PCDHAC2: variants seen among roughly 807,000 people sequenced by gnomAD.
The protein encoded by PCDHAC2 is protocadherin alpha subfamily C, 2.
Under a neutral mutation model 63.3 loss-of-function variants are expected in PCDHAC2, and 24 were observed. That is an observed-to-expected ratio of 0.38 (90% CI 0.27 to 0.53). PCDHAC2 has a LOEUF of 0.53. Ranked by LOEUF, PCDHAC2 falls within the 20% of genes least tolerant of loss-of-function variation. The pLI is 0.81. For synonymous variants in PCDHAC2, 569 were observed against 529.4 expected, an observed-to-expected ratio of 1.07 and a Z score of -1.03; for missense variants, 1,181 against 1,275.2, an observed-to-expected ratio of 0.93 and a Z score of 1.12.
At chr5:140,997,251 G>T (rs1217959179) in intron 3 of PCDHAC2, among the ~76,000 whole-genome samples, 2 of 152,060 alleles carry the variant, frequency 1.3e-5, no homozygotes, top group Non-Finnish European at 2.9e-5. Context: ...TTACTTTAGG[G>T]TTCACTCTTC....
intron 3 of PCDHAC2, among the ~76,000 whole-genome samples, chr5:140,995,674 AT>A (rs1240189428): frequency 1.3e-5 from 2 of 151,994 alleles, no homozygotes; most frequent in Non-Finnish European, 2.9e-5. Flanking sequence ...TAAATGCAGC[AT>A]TTTTTTTAAT....
intron 2 of PCDHAC2, 130 bp from the exon 3 acceptor site, chr5:140,982,345 A>G: frequency 6.8e-7 from 1 of 1,471,098 alleles, no homozygotes; most frequent in Non-Finnish European, 9.1e-7. Context: ...TAATTGCTTC[A>G]GTTCAAGCAT....
Position 140,973,027 on chromosome 5 carries a change from T to C in PCDHAC2, c.2565+3696T>C, listed in dbSNP as rs373487044. On this transcript the variant is annotated intron_variant, in intron 1 of 3. Coordinates refer to ENST00000289269, the MANE Select transcript of PCDHAC2 (RefSeq NM_018899.6). ...TCGTGGTGTTGTGATTGTTAATGAG[T>C]CACTTTGAGTACTCTAGTAGATTTG... Among the ~76,000 whole-genome samples the C allele has an allele frequency of 2.6e-5, 4 of 152,042 alleles. No individual in the cohort carries two copies. The East Asian group carries it at 5.8e-4, about 22-fold the overall frequency.
At chr5:140,997,967 G>A (rs1275111362) in intron 3 of PCDHAC2, among the ~76,000 whole-genome samples, 1 of 152,104 alleles carries the variant, frequency 6.6e-6, no homozygotes, top group African/African-American at 2.4e-5. Flanking sequence ...CGTACCTGTG[G>A]TTGGACTGCA....
At chr5:140,982,253 A>T (rs1209317234) in intron 2 of PCDHAC2, 1 of 777,640 alleles carries the variant, frequency 1.3e-6, no homozygotes, top group African/African-American at 1.8e-5. Flanking sequence ...AAGATAGAAC[A>T]TGTGTGTTCC....
At chr5:141,004,810 A>G (rs2098182429) in intron 3 of PCDHAC2, among the ~76,000 whole-genome samples, 1 of 152,224 alleles carries the variant, frequency 6.6e-6, no homozygotes, top group Non-Finnish European at 1.5e-5. Flanking sequence ...GCTCAATTGC[A>G]GATTTGATTA....
Position 140,966,909 on chromosome 5 carries a change from T to C in PCDHAC2, c.143T>C (p.Val48Ala). ...GPAASQLRYSVPEEQAPGALV... is the reference protein window; with the variant it reads ...GPAASQLRYSAPEEQAPGALV... ...GCGGCCTCCCAGCTGCGATACTCTG[T>C]GCCAGAGGAGCAGGCACCCGGCGCG... The change falls in exon 1 of 4, where the codon GTG (valine) becomes GCG (alanine). Residue 48 changes from valine to alanine, a missense_variant. Transcript: ENST00000289269. The C allele has an allele frequency of 6.2e-7, 1 of 1,601,466 alleles. No individual in the cohort carries two copies. Among genetic ancestry groups the C allele is most frequent in the Non-Finnish European group, 8.5e-7 (1 of 1,177,476 alleles).
At position 140,967,458 on chromosome 5, in the gene PCDHAC2, A is replaced by T. The variant is rs1042156831; in HGVS notation, c.692A>T (p.Asp231Val). 6.2e-7 allele frequency: 1 copy of T among 1,613,546 alleles called. No homozygotes were observed. Among genetic ancestry groups the T allele is most frequent in the Non-Finnish European group, 8.5e-7 (1 of 1,179,872 alleles). ...ALHHLVLTAV[D>V]GGIPARSGTA... ...CACCACCTGGTTCTCACAGCCGTGG[A>T]TGGGGGCATCCCAGCCCGCTCGGGT... The change falls in exon 1 of 4, where the codon GAT becomes GTT. Residue 231 changes from aspartate (D) to valine (V), a missense_variant. By Grantham distance (152) the Asp-to-Val change is radical (BLOSUM62 -3). Coordinates refer to ENST00000289269, the MANE Select transcript of PCDHAC2 (RefSeq NM_018899.6).
At position 140,967,836 on chromosome 5, in the gene PCDHAC2, A is replaced by G; in HGVS notation, c.1070A>G (p.Asp357Gly). 1 of 1,614,136 alleles carries G rather than the reference A, an allele frequency of 6.2e-7. No individual in the cohort carries two copies. The highest frequency in any genetic ancestry group is 1.3e-5 in the African/African-American group (1 of 75,044). ...TGCAAGGTGCTGGTGGACATCGTGG[A>G]CGTGAATGACAATGCCCCAGAGGTG... ...GHCKVLVDIV[D>G]VNDNAPEVVL... Residue 357 changes from aspartate to glycine, a missense_variant, in exon 1 of 4, where the codon GAC becomes GGC. This residue lies in a region of PCDHAC2 where 968 missense variants were observed against 1,073.5 expected (regional missense o/e 0.90). Coordinates refer to ENST00000289269, the MANE Select transcript of PCDHAC2 (RefSeq NM_018899.6).
In PCDHAC2 at chr5:141,010,195, C is replaced by G. The variant is rs753472247; in HGVS notation, c.*258C>G. 6.4e-7 allele frequency: 1 copy of G among 1,552,256 alleles called. No homozygotes were observed. The highest frequency in any genetic ancestry group is 8.7e-7 in the Non-Finnish European group (1 of 1,147,132). Reference sequence around the variant, plus strand: ...TAAAAAGCAGACCCAAGTTTCCTTTCTCCTCCGCCGCAAAGGAGAGGCTTC... The same window carrying G: ...TAAAAAGCAGACCCAAGTTTCCTTTGTCCTCCGCCGCAAAGGAGAGGCTTC... On this transcript the variant is annotated 3_prime_UTR_variant, in exon 4 of 4. Coordinates refer to ENST00000289269, the MANE Select transcript of PCDHAC2 (RefSeq NM_018899.6).
chr5:140,972,910 C>G (rs2096563603), intron 1 of PCDHAC2, among the ~76,000 whole-genome samples: 1 of 152,054 alleles, frequency 6.6e-6, no homozygotes, highest in Non-Finnish European at 1.5e-5. Flanking sequence ...GATCCACCCG[C>G]CTTGGCCTCC....
At position 140,971,223 on chromosome 5, in the gene PCDHAC2, C is replaced by T. The variant is rs904012820; in HGVS notation, c.2565+1892C>T. The stretch of plus-strand genomic sequence containing the variant: ...GACACTGTTACCCTCCCTCTCCTGA[C>T]TCAAAGCTTGGGGCAATTTGATACA... On this transcript the variant is annotated intron_variant, in intron 1 of 3. Transcript: ENST00000289269. Among the ~76,000 whole-genome samples, 3 of 152,148 alleles carry T rather than the reference C, an allele frequency of 2.0e-5. No homozygotes were observed. The South Asian group carries it at 6.2e-4, about 31-fold the overall frequency.
rs1333559202 is a variant in PCDHAC2, at chr5:140,969,120, G to T, written c.2354G>T (p.Gly785Val). ...QPHFIEVRGN[G>V]SLTKTYCYKA... Reference sequence around the variant, plus strand: ...CACTTCATTGAAGTTCGAGGGAATGGCTCCCTCACCAAGACCTACTGCTAC... The same window carrying T: ...CACTTCATTGAAGTTCGAGGGAATGTCTCCCTCACCAAGACCTACTGCTAC... Residue 785 changes from glycine (G) to valine (V), a missense_variant, in exon 1 of 4, where the codon GGC (glycine) becomes GTC (valine). This residue lies in a region of PCDHAC2 where 968 missense variants were observed against 1,073.5 expected (regional missense o/e 0.90). Coordinates refer to ENST00000289269, the MANE Select transcript of PCDHAC2 (RefSeq NM_018899.6). The T allele has an allele frequency of 6.2e-7, 1 of 1,613,970 alleles. No individual in the cohort carries two copies. Among genetic ancestry groups the T allele is most frequent in the Non-Finnish European group, 8.5e-7 (1 of 1,180,018 alleles).
At chr5:140,978,770 A>G in intron 1 of PCDHAC2, 179 bp from the exon 2 acceptor site, 3 of 956,466 alleles carry the variant, frequency 3.1e-6, no homozygotes, top group Non-Finnish European at 2.5e-6. Context: ...CTGATGAACT[A>G]ATTTTCTTCT....
rs150805116 is a variant in PCDHAC2, at chr5:140,977,093, T to C, written c.2566-1856T>C. On this transcript the variant is annotated intron_variant, in intron 1 of 3. Coordinates refer to ENST00000289269, the MANE Select transcript of PCDHAC2 (RefSeq NM_018899.6). ...GCAGCATGACAAATTAAATGTGTCA[T>C]TGGGGAAGTGAGATTGTATAATGAA... 6.6e-5 allele frequency among the ~76,000 whole-genome samples: 10 copies of C among 152,320 alleles called. No homozygotes were observed. The East Asian group carries it at 1.7e-3, about 26-fold the overall frequency.
chr5:140,969,102 T>C lies in PCDHAC2; in HGVS notation c.2336T>C (p.Ile779Thr). The part of the protein sequence containing the change: ...PHGLKVQPHF[I>T]EVRGNGSLTK... Reference sequence around the variant, plus strand: ...GGCCTCAAAGTGCAGCCTCACTTCATTGAAGTTCGAGGGAATGGCTCCCTC... The same window carrying C: ...GGCCTCAAAGTGCAGCCTCACTTCACTGAAGTTCGAGGGAATGGCTCCCTC... Residue 779 changes from isoleucine (I) to threonine (T), a missense_variant, in exon 1 of 4, where the codon ATT becomes ACT. Ile to Thr is a moderately conservative substitution (Grantham distance 89). Around this residue, in one of 3 missense-constraint regions of PCDHAC2, gnomAD observed 968 missense variants for 1,073.5 expected, o/e 0.90. Coordinates refer to ENST00000289269, the MANE Select transcript of PCDHAC2 (RefSeq NM_018899.6). The C allele has an allele frequency of 1.2e-6, 2 of 1,614,114 alleles. No individual in the cohort carries two copies. Among genetic ancestry groups the C allele is most frequent in the African/African-American group, 1.3e-5 (1 of 75,016 alleles).
At chr5:140,997,510 C>T (rs536611731) in intron 3 of PCDHAC2, among the ~76,000 whole-genome samples, 60 of 152,102 alleles carry the variant, frequency 3.9e-4, no homozygotes, top group Non-Finnish European at 6.9e-4. Context: ...CATACCTAAA[C>T]GCAGAAAAAG....
chr5:140,968,951 A>G lies in PCDHAC2; in HGVS notation c.2185A>G (p.Ile729Val). 2.5e-6 allele frequency: 4 copies of G among 1,614,228 alleles called. No individual in the cohort carries two copies. The highest frequency in any genetic ancestry group is 3.4e-6 in the Non-Finnish European group (4 of 1,180,042). Residue 729 changes from isoleucine to valine, a missense_variant, in exon 1 of 4, where the codon ATC becomes GTC. Transcript: ENST00000289269. ...FLLTIIILSI[I>V]KCYRYTAYGT... ...TTTGACAATCATCATTTTGAGCATCATCAAGTGCTACCGCTACACTGCGTA... is the reference window on the plus strand; with the variant it reads ...TTTGACAATCATCATTTTGAGCATCGTCAAGTGCTACCGCTACACTGCGTA...
chr5:140,981,862 T>C (rs1160188291), intron 2 of PCDHAC2, among the ~76,000 whole-genome samples: 1 of 152,212 alleles, frequency 6.6e-6, no homozygotes, highest in African/African-American at 2.4e-5. Flanking sequence ...CTCCCAGCAA[T>C]GTTTTATGCT....
Sources: allele counts gnomAD v4.1 joint callset (sites outside exome capture counted in the v4.1 genomes callset), GRCh38; gene constraint gnomAD v4.1.1; regional missense constraint gnomAD v4.1.1; transcripts MANE v1.5; gene names NCBI Gene and HGNC (gene_info 2026-07-23, HGNC 2026-07-21).